CSMD1: variants seen among roughly 807,000 people sequenced by gnomAD.
CSMD1 encodes CUB and sushi domain-containing protein 1.
CSMD1 carries 213 observed loss-of-function variants against 417.5 expected under a neutral mutation model. The ratio of observed to expected loss-of-function variants is 0.51; its 90% CI spans 0.46 to 0.57. The LOEUF (loss-of-function observed/expected upper bound fraction) is 0.57. Ranked by LOEUF, CSMD1 falls within the 20% of genes least tolerant of loss-of-function variation. The pLI is 0.00. For synonymous variants in CSMD1, 2,862 were observed against 1,736.8 expected (o/e 1.65, Z -16.11); for missense variants, 6,923 against 4,529.7 (o/e 1.53, Z -15.17).
At chr8:3,035,562 T>G (rs1459728527) in intron 50 of CSMD1, among the ~76,000 whole-genome samples, 2 of 152,154 alleles carry the variant, frequency 1.3e-5, no homozygotes, top group Non-Finnish European at 2.9e-5. Context: ...AAGCATAGTT[T>G]CAGGAATTGA....
intron 52 of CSMD1, among the ~76,000 whole-genome samples, chr8:3,000,884 G>C (rs1035047508): frequency 6.6e-6 from 1 of 152,180 alleles, no homozygotes; most frequent in African/African-American, 2.4e-5. Context: ...CATGTAGATA[G>C]TAAAACAATT....
At chr8:4,391,355 C>T (rs1236386734) in intron 3 of CSMD1, among the ~76,000 whole-genome samples, 1 of 152,136 alleles carries the variant, frequency 6.6e-6, no homozygotes, top group African/African-American at 2.4e-5. Flanking sequence ...GAGCTATGGA[C>T]TTGCTTTTCC....
intron 2 of CSMD1, among the ~76,000 whole-genome samples, chr8:4,425,047 G>T (rs1477831125): frequency 1.3e-5 from 2 of 151,946 alleles, no homozygotes; most frequent in Non-Finnish European, 2.9e-5. Context: ...AAAAACTATT[G>T]AGGATAATTT....
intron 7 of CSMD1, among the ~76,000 whole-genome samples, chr8:3,700,331 G>C (rs1045692479): frequency 6.6e-6 from 1 of 152,192 alleles, no homozygotes; most frequent in Admixed American, 6.5e-5. Context: ...TCTACTGGGA[G>C]ATGTGAGAGA....
At chr8:4,518,602 A>T (rs1355897833) in intron 2 of CSMD1, among the ~76,000 whole-genome samples, 83 of 128,692 alleles carry the variant, frequency 6.4e-4, no homozygotes, top group African/African-American at 2.1e-3. Flanking sequence ...AACATCACAC[A>T]CCGGGGACTG....
chr8:3,814,802 G>A (rs1443088971), intron 5 of CSMD1, among the ~76,000 whole-genome samples: 1 of 152,118 alleles, frequency 6.6e-6, no homozygotes, highest in Non-Finnish European at 1.5e-5. Context: ...TCGTCACGGT[G>A]TGATTATTTC....
intron 1 of CSMD1, among the ~76,000 whole-genome samples, chr8:4,665,207 C>G (rs1401470939): frequency 6.6e-6 from 1 of 152,142 alleles, no homozygotes; most frequent in Non-Finnish European, 1.5e-5. Flanking sequence ...CGGCTTCTTT[C>G]AGAGCTCTGT....
At chr8:4,326,015 C>G (rs1313897177) in intron 3 of CSMD1, among the ~76,000 whole-genome samples, 1 of 152,074 alleles carries the variant, frequency 6.6e-6, no homozygotes, top group Admixed American at 6.6e-5. Flanking sequence ...GACGTTGGCT[C>G]GCTATTTTTA....
At chr8:3,660,649 T>C (rs1253498983) in intron 7 of CSMD1, among the ~76,000 whole-genome samples, 1 of 151,654 alleles carries the variant, frequency 6.6e-6, no homozygotes, top group East Asian at 1.9e-4. Context: ...GCCTCCTGAG[T>C]AGCTGGGATT....
chr8:3,816,683 A>T (rs1801387191), intron 5 of CSMD1, among the ~76,000 whole-genome samples: 1 of 152,158 alleles, frequency 6.6e-6, no homozygotes, highest in Non-Finnish European at 1.5e-5. Flanking sequence ...TGGATATCTC[A>T]ATTACACTGA....
At chr8:4,283,108 A>C (rs942514356) in intron 3 of CSMD1, among the ~76,000 whole-genome samples, 1 of 152,162 alleles carries the variant, frequency 6.6e-6, no homozygotes, top group Non-Finnish European at 1.5e-5. Context: ...GACTTTAGAA[A>C]TTACTACCAG....
At chr8:3,220,025 G>A (rs1563155111) in intron 28 of CSMD1, among the ~76,000 whole-genome samples, 1 of 151,648 alleles carries the variant, frequency 6.6e-6, no homozygotes, top group Non-Finnish European at 1.5e-5. Flanking sequence ...CACACTTGTA[G>A]TCCTAGCTAC....
At chr8:3,533,315 C>G (rs547910289) in intron 10 of CSMD1, among the ~76,000 whole-genome samples, 1 of 152,056 alleles carries the variant, frequency 6.6e-6, no homozygotes, top group Non-Finnish European at 1.5e-5. Context: ...AACTATAAAC[C>G]GAGATTGTAC....
At chr8:3,188,636 T>C (rs987177309) in intron 35 of CSMD1, among the ~76,000 whole-genome samples, 2 of 152,056 alleles carry the variant, frequency 1.3e-5, no homozygotes, top group African/African-American at 2.4e-5. Flanking sequence ...ATGGTACTTT[T>C]GATAGTTTTT....
chr8:3,482,769 T>A (rs1016464019), intron 11 of CSMD1, among the ~76,000 whole-genome samples: 1 of 152,212 alleles, frequency 6.6e-6, no homozygotes, highest in Admixed American at 6.5e-5. Flanking sequence ...ACTGAAATCA[T>A]AGAGAATTTG....
chr8:4,029,849 G>C (rs1797250636), intron 4 of CSMD1, among the ~76,000 whole-genome samples: 1 of 152,074 alleles, frequency 6.6e-6, no homozygotes, highest in African/African-American at 2.4e-5. Context: ...GACAAATGCA[G>C]GCACAAGAAT....
intron 2 of CSMD1, among the ~76,000 whole-genome samples, chr8:4,427,816 A>G (rs1190717036): frequency 6.6e-6 from 1 of 152,202 alleles, no homozygotes; most frequent in East Asian, 1.9e-4. Flanking sequence ...AAATATATGC[A>G]TGTTTAACCT....
At chr8:3,699,830 C>T (rs1487768957) in intron 7 of CSMD1, among the ~76,000 whole-genome samples, 2 of 152,116 alleles carry the variant, frequency 1.3e-5, no homozygotes, top group Non-Finnish European at 2.9e-5. Flanking sequence ...TGAGCACCCT[C>T]TTCCCACACG....
intron 5 of CSMD1, among the ~76,000 whole-genome samples, chr8:3,985,760 T>C (rs1335330773): frequency 1.2e-5 from 1 of 82,738 alleles, no homozygotes; most frequent in Non-Finnish European, 2.6e-5. Context: ...AAAGTGATTT[T>C]TTTTTTTTTT....
Sources: gnomAD v4.1 joint callset for allele counts (sites outside exome capture counted in the v4.1 genomes callset) on GRCh38, gnomAD v4.1.1 for gene constraint, MANE v1.5 for transcripts, NCBI Gene and HGNC (gene_info 2026-07-23, HGNC 2026-07-21) for gene names.